AGBL1: variants seen among roughly 807,000 people sequenced by gnomAD.
AGBL1 encodes the protein cytosolic carboxypeptidase 4.
AGBL1 carries 130 observed loss-of-function variants against 118.9 expected under a neutral mutation model. The ratio of observed to expected loss-of-function variants is 1.09; its 90% CI spans 0.95 to 1.26. The LOEUF (loss-of-function observed/expected upper bound fraction) is 1.26, where lower values mean the gene tolerates loss of function less well. Among genes scored for constraint, AGBL1 ranks in the 50% most tolerant of loss-of-function variants. The probability of loss-of-function intolerance (pLI) is 0.00; values close to 1 mark genes in which losing one functional copy is unlikely to be tolerated. For synonymous variants in AGBL1, 555 were observed against 478.9 expected (o/e 1.16, Z -2.08); for missense variants, 1,584 against 1,298.1 (o/e 1.22, Z -3.38).
At chr15:86,217,547 A>C (rs968050956) in intron 5 of AGBL1, among the ~76,000 whole-genome samples, 2 of 152,200 alleles carry the variant, frequency 1.3e-5, no homozygotes, top group African/African-American at 4.8e-5. Context: ...AAAAGGATGA[A>C]TGTACCTAAC....
intron 1 of AGBL1, among the ~76,000 whole-genome samples, chr15:86,098,827 AT>A (rs558693688): frequency 1.3e-5 from 2 of 151,762 alleles, no homozygotes; most frequent in South Asian, 4.2e-4. Flanking sequence ...AAAATTTTAG[AT>A]TTTTTTTAAT....
intron 23 of AGBL1, among the ~76,000 whole-genome samples, chr15:86,923,573 C>T (rs2080501847): frequency 6.6e-6 from 1 of 152,208 alleles, no homozygotes; most frequent in South Asian, 2.1e-4. Flanking sequence ...ATGCAATTAA[C>T]TATATCCTTT....
intron 18 of AGBL1, among the ~76,000 whole-genome samples, chr15:86,503,072 C>A (rs964671180): frequency 2.0e-5 from 3 of 151,550 alleles, no homozygotes; most frequent in Non-Finnish European, 4.4e-5. Flanking sequence ...ACTTGGTCTT[C>A]AGCTTTGATT....
intron 7 of AGBL1, 87 bp downstream of exon 7, chr15:86,247,966 C>T (rs2078748870): frequency 2.0e-6 from 3 of 1,481,352 alleles, no homozygotes; most frequent in East Asian, 4.5e-5. Context: ...CCAGATAGAG[C>T]TGGGAACGCC....
intron 1 of AGBL1, among the ~76,000 whole-genome samples, chr15:86,134,416 C>T (rs531372944): frequency 1.3e-5 from 2 of 152,042 alleles, no homozygotes; most frequent in Non-Finnish European, 2.9e-5. Context: ...TGGGCTTGTT[C>T]TTTCAGTCTG....
At chr15:86,576,602 A>C (rs1445669175) in intron 21 of AGBL1, among the ~76,000 whole-genome samples, 1 of 152,220 alleles carries the variant, frequency 6.6e-6, no homozygotes, top group African/African-American at 2.4e-5. Context: ...AGAGGTCTTT[A>C]GGCTGCACTT....
At chr15:86,645,640 T>A (rs938521610) in intron 21 of AGBL1, among the ~76,000 whole-genome samples, 2 of 152,164 alleles carry the variant, frequency 1.3e-5, no homozygotes, top group Admixed American at 6.5e-5. Context: ...AGGTAAAAGC[T>A]ATTAAGACAT....
At chr15:86,097,012 C>A (rs1896419630) in intron 1 of AGBL1, among the ~76,000 whole-genome samples, 1 of 152,124 alleles carries the variant, frequency 6.6e-6, no homozygotes, top group African/African-American at 2.4e-5. Flanking sequence ...TGGAAGATAT[C>A]AGACCCTGTA....
chr15:86,959,630 C>T (rs2080971516), intron 23 of AGBL1, among the ~76,000 whole-genome samples: 1 of 152,064 alleles, frequency 6.6e-6, no homozygotes. Context: ...TTTCAGATAA[C>T]TGGTAAATCT....
chr15:86,929,173 A>G (rs1440109097), intron 23 of AGBL1, among the ~76,000 whole-genome samples: 1 of 152,150 alleles, frequency 6.6e-6, no homozygotes, highest in Non-Finnish European at 1.5e-5. Context: ...ATTTACCACT[A>G]TTCAGTCTCC....
chr15:86,209,624 T>C (rs1182097198), intron 5 of AGBL1, among the ~76,000 whole-genome samples: 1 of 152,194 alleles, frequency 6.6e-6, no homozygotes, highest in African/African-American at 2.4e-5. Context: ...TATCAGACAC[T>C]AAGATTGCAA....
chr15:86,701,970 C>G (rs895349004), intron 22 of AGBL1, among the ~76,000 whole-genome samples: 1 of 150,004 alleles, frequency 6.7e-6, no homozygotes, highest in African/African-American at 2.5e-5. Context: ...CCCCTTCTCA[C>G]TTTCTCTCCC....
chr15:86,882,251 T>G (rs568479351), intron 22 of AGBL1, among the ~76,000 whole-genome samples: 2 of 152,256 alleles, frequency 1.3e-5, no homozygotes, highest in East Asian at 1.9e-4. Context: ...ATTAAATAAG[T>G]GGGGTGGTAT....
At chr15:86,276,068 T>C (rs1476064192) in intron 15 of AGBL1, among the ~76,000 whole-genome samples, 1 of 152,204 alleles carries the variant, frequency 6.6e-6, no homozygotes, top group South Asian at 2.1e-4. Flanking sequence ...TTTTAATAAT[T>C]AGTAAAAACA....
At chr15:86,831,139 A>T (rs922545475) in intron 22 of AGBL1, among the ~76,000 whole-genome samples, 2 of 152,094 alleles carry the variant, frequency 1.3e-5, no homozygotes, top group Non-Finnish European at 2.9e-5. Flanking sequence ...GCATGGGAAA[A>T]ACCTGCCCGC....
In AGBL1 at chr15:86,900,144, G is replaced by A. The variant is rs115203847; in HGVS notation, c.3159-6943G>A. ...GGGCCTTCAGCCACAGACTGAAGGC[G>A]GCACTGTTGTCTTCCCTACTTTTGA... On this transcript the variant is annotated intron_variant, in intron 22 of 22. Transcript: ENST00000614907. 2.8e-3 allele frequency among the ~76,000 whole-genome samples: 429 copies of A among 152,234 alleles called. 1 individual carries two copies. Among genetic ancestry groups the A allele is most frequent in the African/African-American group, 9.7e-3 (402 of 41,548 alleles).
intron 6 of AGBL1, among the ~76,000 whole-genome samples, chr15:86,236,866 C>T (rs763754087): frequency 4.2e-5 from 6 of 144,058 alleles, no homozygotes; most frequent in Non-Finnish European, 9.0e-5. Context: ...CTGACCCTCC[C>T]ACCCTAGCCT....
intron 24 of AGBL1, among the ~76,000 whole-genome samples, chr15:87,015,414 T>G (rs981383010): frequency 2.0e-5 from 3 of 152,236 alleles, no homozygotes. Context: ...TTTTTCTATC[T>G]GTCCTATTGG....
At chr15:86,732,806 A>G (rs1207072238) in intron 22 of AGBL1, among the ~76,000 whole-genome samples, 2 of 151,850 alleles carry the variant, frequency 1.3e-5, no homozygotes, top group African/African-American at 4.8e-5. Context: ...TCTGTCTCAT[A>G]TCCTCATCTC....
Sources: allele counts gnomAD v4.1 joint callset (sites outside exome capture counted in the v4.1 genomes callset), GRCh38; gene constraint gnomAD v4.1.1; transcripts MANE v1.5; gene names NCBI Gene and HGNC (gene_info 2026-07-23, HGNC 2026-07-21).